SHISA9: variants seen among roughly 807,000 people sequenced by gnomAD.
The protein encoded by SHISA9 is shisa family member 9, also known as protein shisa-9.
A neutral mutation model predicts 38.0 loss-of-function variants in SHISA9; 13 were observed. The ratio of observed to expected loss-of-function variants is 0.34; its 90% CI spans 0.22 to 0.54. The LOEUF is 0.54. SHISA9 is among the 20% of genes least tolerant of loss of function. SHISA9 has a pLI of 0.91. For missense variants in SHISA9, 538 were observed against 575.8 expected (o/e 0.93, Z 0.67); for synonymous variants, 275 against 242.0 (o/e 1.14, Z -1.27).
chr16:13,272,199 T>C, the SHISA9 span, among the ~76,000 whole-genome samples: 12 of 152,082 alleles, frequency 7.9e-5, no homozygotes, highest in Non-Finnish European at 1.6e-4. Flanking sequence ...CTTTTCATAA[T>C]ATGTAAAATA....
At chr16:13,432,212 C>T in the SHISA9 span, among the ~76,000 whole-genome samples, 1 of 152,218 alleles carries the variant, frequency 6.6e-6, no homozygotes, top group Non-Finnish European at 1.5e-5. Context: ...AGTCCACCCT[C>T]ATTCCTCTTA....
chr16:13,014,557 C>G (rs2072718301), intron 2 of SHISA9, among the ~76,000 whole-genome samples: 1 of 152,214 alleles, frequency 6.6e-6, no homozygotes, highest in Admixed American at 6.5e-5. Context: ...CATTAAACCA[C>G]TGGTTATTCC....
intron 2 of SHISA9, among the ~76,000 whole-genome samples, chr16:13,001,519 A>C (rs1397026241): frequency 2.0e-5 from 3 of 152,208 alleles, no homozygotes; most frequent in Non-Finnish European, 4.4e-5. Flanking sequence ...CAATGCCCCA[A>C]ACTAATCTAT....
the SHISA9 span, among the ~76,000 whole-genome samples, chr16:13,518,088 T>A: frequency 2.0e-5 from 3 of 152,076 alleles, no homozygotes; most frequent in African/African-American, 7.2e-5. Context: ...GTGATATGTC[T>A]CTCCCTGCTT....
intron 2 of SHISA9, among the ~76,000 whole-genome samples, chr16:13,115,482 G>A (rs1316559890): frequency 3.3e-5 from 5 of 152,234 alleles, no homozygotes; most frequent in Non-Finnish European, 7.3e-5. Flanking sequence ...TAATGCTTTT[G>A]TTTGTGGCTT....
At chr16:13,429,131 G>A in the SHISA9 span, among the ~76,000 whole-genome samples, 5 of 152,118 alleles carry the variant, frequency 3.3e-5, no homozygotes, top group Admixed American at 2.0e-4. Flanking sequence ...TTGCAGTGGC[G>A]ATGGCACTGA....
At chr16:13,263,441 G>C in the SHISA9 span, among the ~76,000 whole-genome samples, 5 of 152,054 alleles carry the variant, frequency 3.3e-5, no homozygotes, top group African/African-American at 9.7e-5. Flanking sequence ...ACAAGATCTG[G>C]TGATTGAAAA....
intron 4 of SHISA9, among the ~76,000 whole-genome samples, chr16:13,234,759 G>A (rs934437798): frequency 2.6e-5 from 4 of 152,118 alleles, no homozygotes; most frequent in African/African-American, 9.7e-5. Context: ...GTGGGACTGT[G>A]GGGGGAGAAG....
intron 2 of SHISA9, among the ~76,000 whole-genome samples, chr16:12,924,724 A>G (rs1191583471): frequency 2.0e-5 from 3 of 152,156 alleles, no homozygotes; most frequent in Non-Finnish European, 4.4e-5. Context: ...CTCTTGAGGT[A>G]TGGTATTAAG....
chr16:13,405,510 G>A, the SHISA9 span, among the ~76,000 whole-genome samples: 5 of 152,232 alleles, frequency 3.3e-5, no homozygotes, highest in African/African-American at 7.2e-5. Flanking sequence ...GGGGTGATAT[G>A]CGCAGGTTTA....
Position 12,910,479 on chromosome 16 carries a change from A to G in SHISA9, c.564-6209A>G, listed in dbSNP as rs537196776. 36 of 985,420 alleles carry G rather than the reference A, an allele frequency of 3.7e-5. 1 individual carries two copies. In the South Asian group the frequency reaches 9.4e-4, roughly 26 times the overall value. The allele number at this position is 985,420 out of a possible 1,614,324, so 61.0% of individuals were successfully genotyped here. A position where few individuals can be genotyped will look rare whatever the true frequency, so the allele number is the denominator to read the frequency against. On this transcript the variant is annotated intron_variant, in intron 1 of 4. Coordinates refer to ENST00000558583, the MANE Select transcript of SHISA9 (RefSeq NM_001145204.3). ...GTAACACACAAGGAAATGTACAAGA[A>G]AGTTGAGCCAGCACTTTTATAAGTA...
At chr16:13,279,850 TG>T in the SHISA9 span, among the ~76,000 whole-genome samples, 1 of 151,980 alleles carries the variant, frequency 6.6e-6, no homozygotes, top group Non-Finnish European at 1.5e-5. Flanking sequence ...TTTAGTATTA[TG>T]TAATGTCACT....
the SHISA9 span, among the ~76,000 whole-genome samples, chr16:13,248,958 T>G: frequency 6.6e-6 from 1 of 152,184 alleles, no homozygotes; most frequent in African/African-American, 2.4e-5. Context: ...AGGGCTTTCA[T>G]TCTTATGTGC....
rs188507161 is a variant in SHISA9 at position 13,207,009 on chromosome 16, C to T, written c.847+3460C>T. ...CAGTTAGATGATAAATAACATATGC[C>T]ATTTTATTTTATTCTTCTTTAGGCA... On this transcript the variant is annotated intron_variant, in intron 3 of 4. Coordinates refer to ENST00000558583, the MANE Select transcript of SHISA9 (RefSeq NM_001145204.3). Among the ~76,000 whole-genome samples, 8 of 152,286 alleles carry T rather than the reference C, an allele frequency of 5.3e-5. No homozygotes were observed. In the East Asian group the frequency reaches 1.5e-3, roughly 29 times the overall value.
intron 2 of SHISA9, among the ~76,000 whole-genome samples, chr16:13,121,002 C>T (rs2050204145): frequency 6.6e-6 from 1 of 151,932 alleles, no homozygotes; most frequent in South Asian, 2.1e-4. Flanking sequence ...CTACAGTTCC[C>T]TGGCCCACTG....
chr16:13,290,690 C>T, the SHISA9 span, among the ~76,000 whole-genome samples: 2 of 152,082 alleles, frequency 1.3e-5, no homozygotes, highest in Non-Finnish European at 2.9e-5. Flanking sequence ...CTCTGGTTTC[C>T]AGCCTGTGGT....
chr16:13,005,414 G>T (rs543334226), intron 2 of SHISA9, among the ~76,000 whole-genome samples: 1 of 152,278 alleles, frequency 6.6e-6, no homozygotes, highest in African/African-American at 2.4e-5. Context: ...AGGTCATCTT[G>T]CAAATACCGT....
At chr16:13,397,705 A>G in the SHISA9 span, among the ~76,000 whole-genome samples, 3 of 152,098 alleles carry the variant, frequency 2.0e-5, no homozygotes, top group African/African-American at 2.4e-5. Flanking sequence ...AAGTGCTGGG[A>G]TTACAGGCAT....
chr16:13,237,142 C>CA lies in SHISA9; in HGVS notation c.*1734dup, dbSNP rs1426945251. On this transcript the variant is annotated 3_prime_UTR_variant, in exon 5 of 5. Transcript: ENST00000558583. Reference sequence around the variant, plus strand: ...ATAAATGGTCTGGCCAAACAAGACTCAGAGTATTTTCTGAAATCCTGAGCT... The same window carrying CA: ...ATAAATGGTCTGGCCAAACAAGACTCAAGAGTATTTTCTGAAATCCTGAGCT... 1.7e-4 allele frequency: 26 copies of CA among 152,218 alleles called. 1 individual carries two copies. Among genetic ancestry groups the CA allele is most frequent in the African/African-American group, 5.3e-4 (22 of 41,452 alleles). The allele number at this position is 152,218 out of a possible 1,614,324, so 9.4% of individuals were successfully genotyped here. A position where few individuals can be genotyped will look rare whatever the true frequency, so the allele number is the denominator to read the frequency against.
Sources: gnomAD v4.1 joint callset for allele counts (sites outside exome capture counted in the v4.1 genomes callset) on GRCh38, gnomAD v4.1.1 for gene constraint, MANE v1.5 for transcripts, NCBI Gene and HGNC (gene_info 2026-07-23, HGNC 2026-07-21) for gene names.